PFKFB4: variants seen among roughly 807,000 people sequenced by gnomAD.
PFKFB4 encodes the protein 6-phosphofructo-2-kinase/fructose-2,6-biphosphatase 4, also known as 6-phosphofructo-2-kinase/fructose-2,6-bisphosphatase 4.
Under a neutral mutation model 62.8 loss-of-function variants are expected in PFKFB4, and 42 were observed. The observed-to-expected ratio is 0.67, with a 90% CI of 0.52 to 0.86. PFKFB4 has a LOEUF of 0.86. Among genes scored for constraint, PFKFB4 ranks in the 40% least tolerant of loss-of-function variants. The probability of loss-of-function intolerance (pLI) is 0.00; values close to 1 mark genes in which losing one functional copy is unlikely to be tolerated. For synonymous variants in PFKFB4, 204 were observed against 240.7 expected (o/e 0.85, Z 1.41); for missense variants, 475 against 627.2 (o/e 0.76, Z 2.59).
chr3:48,560,875 C>T (rs944410263), upstream of PFKFB4, among the ~76,000 whole-genome samples: 9 of 152,046 alleles, frequency 5.9e-5, no homozygotes, highest in Non-Finnish European at 1.2e-4. Context: ...CCAGCCCCCT[C>T]TCCCTTGCAG....
At chr3:48,544,739 T>C (rs1034464710) in intron 3 of PFKFB4, among the ~76,000 whole-genome samples, 1 of 150,912 alleles carries the variant, frequency 6.6e-6, no homozygotes, top group African/African-American at 2.5e-5. Flanking sequence ...TTTTTTTTTT[T>C]AGACAAGAGT....
chr3:48,543,618 C>T lies in PFKFB4; in HGVS notation c.340G>A (p.Val114Ile), dbSNP rs776351200. Residue 114 changes from valine (V) to isoleucine (I), a missense_variant, in exon 4 of 14, where the codon GTC (valine) becomes ATC (isoleucine). Physicochemically the swap from Val to Ile is conservative, Grantham distance 29. Coordinates refer to ENST00000232375, the MANE Select transcript of PFKFB4 (RefSeq NM_004567.4). ...CCCTCCTCACTAAGGAACCGCCGGA[C>T]GTCACGGAGGGCTGCCAGGGCACAC... ...KQCALAALRDVRRFLSEEGGH... is the reference protein window; with the variant it reads ...KQCALAALRDIRRFLSEEGGH... 1.9e-5 allele frequency: 31 copies of T among 1,612,362 alleles called. No individual in the cohort carries two copies. The South Asian group carries it at 2.0e-4, about 10-fold the overall frequency.
upstream of PFKFB4, chr3:48,556,951 G>T (rs561475167): frequency 1.3e-5 from 18 of 1,396,628 alleles, no homozygotes; most frequent in East Asian, 2.9e-4. This position sits in a 1 kb window ranked among gnomAD's most constrained non-coding sequence, Gnocchi z 5.7. Context: ...GCTGAAAGGG[G>T]CCCGGCCTCC....
intron 4 of PFKFB4, among the ~76,000 whole-genome samples, chr3:48,542,975 AC>A (rs1380098410): frequency 3.3e-5 from 5 of 152,336 alleles, no homozygotes; most frequent in African/African-American, 1.2e-4. Context: ...AGAACATTCA[AC>A]CCAGGAGAGA....
At chr3:48,552,171 G>A (rs1018280860) in intron 1 of PFKFB4, among the ~76,000 whole-genome samples, 1 of 152,226 alleles carries the variant, frequency 6.6e-6, no homozygotes, top group African/African-American at 2.4e-5. Flanking sequence ...GTAAAATGGG[G>A]CAGTCATCCC....
chr3:48,541,439 T>C lies in PFKFB4; in HGVS notation c.379-1668A>G, dbSNP rs142369335. ...CCACCGCACCTGGCCCACACCTGGC[T>C]AATTTAAAAATTTTTCTGTAGACAC... is the stretch of plus-strand genomic sequence containing the variant. On this transcript the variant is annotated intron_variant, in intron 4 of 13. Transcript: ENST00000232375. Among the ~76,000 whole-genome samples, 4 of 152,234 alleles carry C rather than the reference T, an allele frequency of 2.6e-5. No individual in the cohort carries two copies. The East Asian group carries it at 5.8e-4, about 22-fold the overall frequency.
Position 48,535,530 on chromosome 3 carries a change from G to A in PFKFB4, c.969C>T (p.Val323=). The change falls in exon 9 of 14, where the codon GTC becomes GTT. Residue 323 remains valine, a synonymous_variant. Transcript: ENST00000232375. ...TAACTACCGCATCGATCTCGTTGAG[G>A]ACCTTCCACTGTTCATAGGGCACAC... The part of the protein sequence containing the change: ...ALGVPYEQWK[V]LNEIDAGVCE... The A allele has an allele frequency of 6.2e-7, 1 of 1,613,994 alleles. No homozygotes were observed. The highest frequency in any genetic ancestry group is 1.1e-5 in the South Asian group (1 of 91,058).
At chr3:48,533,808 C>T (rs1188885731) in intron 9 of PFKFB4, among the ~76,000 whole-genome samples, 3 of 152,264 alleles carry the variant, frequency 2.0e-5, no homozygotes, top group South Asian at 2.1e-4. Flanking sequence ...GAGCCGAGAT[C>T]GTGCCATTGC....
chr3:48,518,677 G>A lies in PFKFB4; in HGVS notation c.*1070C>T, dbSNP rs2041991606. On this transcript the variant is annotated 3_prime_UTR_variant, in exon 14 of 14. Coordinates refer to ENST00000232375, the MANE Select transcript of PFKFB4 (RefSeq NM_004567.4). ...CCTCCCTTGCCCAGGGACTGCCTAT[G>A]GGTTCTGCCTTCTCCCTTCCTCAGA... The A allele has an allele frequency of 6.6e-6, 1 of 152,308 alleles. No individual in the cohort carries two copies. Among genetic ancestry groups the A allele is most frequent in the African/African-American group, 2.4e-5 (1 of 41,474 alleles). 9.4% of individuals were successfully genotyped at this position (152,308 alleles called of 1,614,324 possible).
Position 48,521,911 on chromosome 3 carries a change from G to T in PFKFB4, c.1350+75C>A. ...CTGGCAGGTGCCGCAGCTGGGCCTG[G>T]CCCTGGAGGATGTGCAGTCTGGACA... is the stretch of plus-strand genomic sequence containing the variant. On this transcript the variant is annotated intron_variant, in intron 13 of 13. Transcript: ENST00000232375. This position sits in a 1 kb window ranked among gnomAD's most constrained non-coding sequence, Gnocchi z 5.3. 1 of 1,242,594 alleles carries T rather than the reference G, an allele frequency of 8.0e-7. No individual in the cohort carries two copies. The highest frequency in any genetic ancestry group is 1.2e-5 in the South Asian group (1 of 83,602). 77.0% of individuals were successfully genotyped at this position (1,242,594 alleles called of 1,614,324 possible).
intron 3 of PFKFB4, among the ~76,000 whole-genome samples, chr3:48,546,833 C>T (rs1015724480): frequency 6.6e-6 from 1 of 152,156 alleles, no homozygotes; most frequent in Non-Finnish European, 1.5e-5. Flanking sequence ...CCAGTAAAAA[C>T]CTTGGTCGTT....
Position 48,521,484 on chromosome 3 carries a change from CT to C in PFKFB4, c.1350+501del, listed in dbSNP as rs978092006. On this transcript the variant is annotated intron_variant, in intron 13 of 13. Coordinates refer to ENST00000232375, the MANE Select transcript of PFKFB4 (RefSeq NM_004567.4). This position sits in a 1 kb window ranked among gnomAD's most constrained non-coding sequence, Gnocchi z 5.3. ...AGGCCCCTTCAGTATCTGCATGGCC[CT>C]TTCCCCAAAAGTACATGATCCCATT... is the stretch of plus-strand genomic sequence containing the variant. Among the ~76,000 whole-genome samples the C allele has an allele frequency of 4.6e-5, 7 of 152,332 alleles. No homozygotes were observed. The highest frequency in any genetic ancestry group is 1.0e-4 in the Non-Finnish European group (7 of 68,022).
upstream of PFKFB4, chr3:48,562,695 C>A: frequency 7.9e-7 from 1 of 1,267,760 alleles, no homozygotes; most frequent in Non-Finnish European, 1.1e-6. This position sits in a 1 kb window ranked among gnomAD's most constrained non-coding sequence, Gnocchi z 4.3. Flanking sequence ...CACTGTATGC[C>A]CAGATGTGGC....
At chr3:48,549,108 A>G (rs1484359041) in intron 3 of PFKFB4, among the ~76,000 whole-genome samples, 1 of 152,076 alleles carries the variant, frequency 6.6e-6, no homozygotes. Context: ...CACAGCTAAC[A>G]CCTCCTGAGA....
chr3:48,557,384 C>G (rs933709697), upstream of PFKFB4, among the ~76,000 whole-genome samples: 1 of 152,238 alleles, frequency 6.6e-6, no homozygotes, highest in Non-Finnish European at 1.5e-5. Flanking sequence ...CCTCGGGGTC[C>G]CCCTTGACTG....
intron 3 of PFKFB4, among the ~76,000 whole-genome samples, chr3:48,545,988 G>A (rs987196307): frequency 6.6e-6 from 1 of 152,186 alleles, no homozygotes; most frequent in Admixed American, 6.5e-5. Context: ...TGGAGATGCT[G>A]AGGGAAGAGC....
At chr3:48,557,129 C>A, upstream of PFKFB4, 1 of 350,156 alleles carries the variant, frequency 2.9e-6, no homozygotes, top group Non-Finnish European at 4.6e-6. Flanking sequence ...TCAGCTCTCC[C>A]AACCTGCCCG....
At chr3:48,527,942 G>A (rs573379983) in intron 9 of PFKFB4, among the ~76,000 whole-genome samples, 46 of 152,014 alleles carry the variant, frequency 3.0e-4, no homozygotes, top group Non-Finnish European at 5.0e-4. Flanking sequence ...GCCCATCTCG[G>A]CCTCCCAAAG....
chr3:48,547,958 G>C (rs367979453), intron 3 of PFKFB4: 2 of 152,314 alleles, frequency 1.3e-5, no homozygotes, highest in South Asian at 2.1e-4. Flanking sequence ...TGGCCCTGTG[G>C]CCCAGCCAGA....
Sources: gnomAD v4.1 joint callset for allele counts (sites outside exome capture counted in the v4.1 genomes callset) on GRCh38, gnomAD v4.1.1 for gene constraint, Gnocchi (gnomAD v3.1) non-coding constraint, MANE v1.5 for transcripts, NCBI Gene and HGNC (gene_info 2026-07-23, HGNC 2026-07-21) for gene names.